The following MYO5B variants were observed in gnomAD, a reference collection of about 807,000 sequenced individuals.
MYO5B encodes the protein unconventional myosin-Vb.
In MYO5B, 143 loss-of-function variants were observed where a neutral mutation model predicts 229.3. That is an observed-to-expected ratio of 0.62 (90% CI 0.54 to 0.72). The LOEUF is 0.72. MYO5B is among the 30% of genes least tolerant of loss of function. MYO5B has a pLI of 0.00. For synonymous variants in MYO5B, 918 were observed against 885.2 expected (o/e 1.04, Z -0.66); for missense variants, 2,321 against 2,331.0 (o/e 1.00, Z 0.09).
At chr18:49,953,983 A>T (rs1386736663) in intron 13 of MYO5B, among the ~76,000 whole-genome samples, 3 of 134,414 alleles carry the variant, frequency 2.2e-5, no homozygotes, top group African/African-American at 8.7e-5. Context: ...GTGTGTATAG[A>T]CTATATATAT....
chr18:50,143,388 G>GC (rs1301486594), intron 1 of MYO5B, among the ~76,000 whole-genome samples: 8 of 152,114 alleles, frequency 5.3e-5, no homozygotes, highest in Non-Finnish European at 1.2e-4. Context: ...GACCCAGGAG[G>GC]CCCCCCTCAG....
chr18:50,028,400 T>C (rs1395188005), intron 4 of MYO5B, among the ~76,000 whole-genome samples: 1 of 152,010 alleles, frequency 6.6e-6, no homozygotes, highest in Non-Finnish European at 1.5e-5. Context: ...CCAGCGACCA[T>C]CAACATCAGA....
intron 35 of MYO5B, 122 bp downstream of exon 35, chr18:49,841,243 A>T: frequency 1.1e-6 from 1 of 897,058 alleles, no homozygotes; most frequent in Non-Finnish European, 1.8e-6. Context: ...AGGTGTGCCC[A>T]CGGTCTGAGG....
chr18:49,922,963 C>T (rs564816322), intron 17 of MYO5B, among the ~76,000 whole-genome samples: 9 of 152,262 alleles, frequency 5.9e-5, no homozygotes, highest in East Asian at 3.9e-4. Context: ...CCATTTTCCA[C>T]GTGGGTCTAA....
At chr18:50,036,823 G>C in intron 4 of MYO5B, 27 bp downstream of exon 4, 1 of 1,613,692 alleles carries the variant, frequency 6.2e-7, no homozygotes, top group Non-Finnish European at 8.5e-7. Context: ...CTACTCAGGA[G>C]GACTTCTGGG....
intron 18 of MYO5B, 120 bp from the exon 19 acceptor site, chr18:49,906,750 G>C (rs988532018): frequency 3.5e-5 from 30 of 846,016 alleles, no homozygotes; most frequent in Non-Finnish European, 5.4e-5. Context: ...ACCCCTCTCT[G>C]TAGATGGACA....
intron 1 of MYO5B, among the ~76,000 whole-genome samples, chr18:50,095,100 G>A (rs2031524572): frequency 6.6e-6 from 1 of 152,162 alleles, no homozygotes; most frequent in Admixed American, 6.5e-5. Flanking sequence ...AAAGTGCTGG[G>A]ATTACAGGTG....
chr18:49,959,444 T>C (rs1276072580), intron 12 of MYO5B, among the ~76,000 whole-genome samples: 1 of 152,068 alleles, frequency 6.6e-6, no homozygotes, highest in South Asian at 2.1e-4. Context: ...GAAACCACAA[T>C]CCCCTGATCT....
At chr18:50,161,696 C>T (rs1424682507) in intron 1 of MYO5B, among the ~76,000 whole-genome samples, 1 of 152,224 alleles carries the variant, frequency 6.6e-6, no homozygotes, top group Non-Finnish European at 1.5e-5. Context: ...CCAAGACAAT[C>T]AGGTTCTAGA....
At chr18:50,028,028 T>G (rs2026349345) in intron 4 of MYO5B, among the ~76,000 whole-genome samples, 1 of 152,070 alleles carries the variant, frequency 6.6e-6, no homozygotes, top group Non-Finnish European at 1.5e-5. Flanking sequence ...GAGGGAGACT[T>G]TGAAAAAAGA....
At chr18:49,889,206 T>C (rs1210542182) in intron 22 of MYO5B, among the ~76,000 whole-genome samples, 1 of 152,234 alleles carries the variant, frequency 6.6e-6, no homozygotes, top group Middle Eastern at 3.2e-3. Flanking sequence ...TTTAATCAAA[T>C]AATTCAATTT....
intron 1 of MYO5B, among the ~76,000 whole-genome samples, chr18:50,087,753 C>A (rs961975645): frequency 3.3e-5 from 5 of 152,068 alleles, no homozygotes; most frequent in Non-Finnish European, 7.4e-5. Context: ...AAGCCCAGAG[C>A]GTTCACTGGA....
At chr18:50,104,167 T>TAAAAAAAAAA (rs144294604) in intron 1 of MYO5B, among the ~76,000 whole-genome samples, 31,263 of 131,292 alleles carry the variant, frequency 0.24, 4,965 homozygotes, top group African/African-American at 0.42. Flanking sequence ...ACTTGTCTAT[T>TAAAAAAAAAA]AAAAAGAAAA....
At chr18:50,018,006 C>T (rs146713895) in intron 4 of MYO5B, among the ~76,000 whole-genome samples, 159 of 152,242 alleles carry the variant, frequency 1.0e-3, no homozygotes, top group African/African-American at 3.5e-3. Flanking sequence ...TTGCATGTGA[C>T]TCAAATATGA....
intron 8 of MYO5B, 44 bp from the exon 9 acceptor site, chr18:49,980,597 G>A (rs778820458): frequency 3.3e-5 from 46 of 1,382,124 alleles, no homozygotes; most frequent in South Asian, 4.6e-5. Context: ...ATCCATGGTC[G>A]GACAGAAAGG....
chr18:49,869,264 C>T (rs2024431436), intron 27 of MYO5B, among the ~76,000 whole-genome samples: 2 of 152,236 alleles, frequency 1.3e-5, no homozygotes, highest in South Asian at 4.2e-4. Context: ...GCCCAATTTC[C>T]ATTATTATAA....
At chr18:50,025,700 T>C (rs1207509997) in intron 4 of MYO5B, among the ~76,000 whole-genome samples, 1 of 152,192 alleles carries the variant, frequency 6.6e-6, no homozygotes, top group East Asian at 1.9e-4. Context: ...GCACTCTCAG[T>C]TATATTCCCT....
chr18:50,055,362 A>G lies in MYO5B; in HGVS notation c.44T>C (p.Ile15Thr). 1.9e-6 allele frequency: 3 copies of G among 1,613,390 alleles called. No homozygotes were observed. The highest frequency in any genetic ancestry group is 2.2e-5 in the East Asian group (1 of 44,852). ...ELYSQCTRVWIPDPDEVWRSA... is the reference protein window; with the variant it reads ...ELYSQCTRVWTPDPDEVWRSA... ...GCGCCATACCTCATCAGGGTCAGGG[A>G]TCCAGACCCTTGTGCACTGAAAGAT... The change falls in exon 2 of 40, where the codon ATC (isoleucine) becomes ACC (threonine). Residue 15 changes from isoleucine (I) to threonine (T), a missense_variant. Transcript: ENST00000285039.
chr18:50,189,833 A>T (rs2033203321), intron 1 of MYO5B, among the ~76,000 whole-genome samples: 1 of 152,178 alleles, frequency 6.6e-6, no homozygotes, highest in African/African-American at 2.4e-5. Context: ...CCTGAGGTAT[A>T]GGTAAGGGAC....
Sources: allele counts gnomAD v4.1 joint callset (sites outside exome capture counted in the v4.1 genomes callset), GRCh38; gene constraint gnomAD v4.1.1; transcripts MANE v1.5; gene names NCBI Gene and HGNC (gene_info 2026-07-23, HGNC 2026-07-21).